The following SYMPK variants were observed in gnomAD, a reference collection of about 807,000 sequenced individuals.
The protein encoded by SYMPK is symplekin.
A neutral mutation model predicts 136.4 loss-of-function variants in SYMPK; 49 were observed. That is an observed-to-expected ratio of 0.36 (90% confidence interval 0.29 to 0.46). The LOEUF (loss-of-function observed/expected upper bound fraction) is 0.46, where lower values mean the gene tolerates loss of function less well. Among genes scored for constraint, SYMPK ranks in the 20% least tolerant of loss-of-function variants. The pLI, the probability that SYMPK is intolerant of heterozygous loss-of-function variation, is 1.00. For synonymous variants in SYMPK, 766 were observed against 713.0 expected, an observed-to-expected ratio of 1.07 and a Z score of -1.19; for missense variants, 1,365 against 1,690.0, an observed-to-expected ratio of 0.81 and a Z score of 3.37.
At position 45,821,055 on chromosome 19, in the gene SYMPK, C is replaced by A; in HGVS notation, c.2893+329G>T. On this transcript the variant is annotated intron_variant, in intron 22 of 26. Coordinates refer to ENST00000245934, the MANE Select transcript of SYMPK (RefSeq NM_004819.3). This position sits in a 1 kb window ranked among gnomAD's most constrained non-coding sequence, Gnocchi z 4.4. ...CCTCTACCACTCACGGTGTGCCCTG[C>A]TTCCTTCTGTTCCTCGGGGCTAGGG... 2 of 623,796 alleles carry A rather than the reference C, an allele frequency of 3.2e-6. No individual in the cohort carries two copies. The highest frequency in any genetic ancestry group is 5.7e-6 in the Non-Finnish European group (2 of 349,522). The allele number at this position is 623,796 out of a possible 1,614,324, so 38.6% of individuals were successfully genotyped here.
intron 1 of SYMPK, chr19:45,855,645 T>A (rs1019834562): frequency 1.3e-5 from 2 of 151,708 alleles, no homozygotes; most frequent in African/African-American, 4.8e-5. Flanking sequence ...ATACATTAAG[T>A]GAAAACAAGC....
intron 11 of SYMPK, among the ~76,000 whole-genome samples, chr19:45,834,111 C>T (rs551812520): frequency 6.6e-6 from 1 of 152,060 alleles, no homozygotes. Flanking sequence ...GACGGTGAAA[C>T]CCCCGTCTCT....
At chr19:45,849,164 C>T (rs1312766472) in intron 5 of SYMPK, among the ~76,000 whole-genome samples, 1 of 152,176 alleles carries the variant, frequency 6.6e-6, no homozygotes, top group Non-Finnish European at 1.5e-5. Flanking sequence ...GACTTCACCT[C>T]ATTTAGAATA....
intron 6 of SYMPK, 32 bp from the exon 7 acceptor site, chr19:45,848,033 C>T: frequency 6.4e-7 from 1 of 1,551,216 alleles, no homozygotes; most frequent in Middle Eastern, 1.7e-4. Context: ...ATGGAAGAGA[C>T]ACACAAAGAG....
intron 11 of SYMPK, among the ~76,000 whole-genome samples, chr19:45,833,535 G>A (rs965599551): frequency 4.6e-5 from 7 of 151,792 alleles, no homozygotes; most frequent in Non-Finnish European, 1.0e-4. Context: ...CCAGGAGGTG[G>A]AGCTTGCAGT....
At chr19:45,823,679 T>C in intron 19 of SYMPK, 88 bp downstream of exon 19, 1 of 1,231,986 alleles carries the variant, frequency 8.1e-7, no homozygotes, top group Non-Finnish European at 1.2e-6. Flanking sequence ...TACGACCATC[T>C]GGGGACCCAG....
intron 20 of SYMPK, 82 bp downstream of exon 20, chr19:45,823,290 C>T: frequency 7.1e-7 from 1 of 1,407,662 alleles, no homozygotes; most frequent in Non-Finnish European, 1.0e-6. Context: ...GGCTCAACTG[C>T]TGCTGAAGCA....
rs1488451756 is a variant in SYMPK, at chr19:45,842,136, C to T, written c.1087+114G>A. ...CAGGTGTGAGCCACTGTGCCTGGCC[C>T]ACATAACATAATCTATAATATAATC... On this transcript the variant is annotated intron_variant, in intron 9 of 26. Transcript: ENST00000245934. 2.0e-6 allele frequency: 3 copies of T among 1,499,526 alleles called. No homozygotes were observed. The African/African-American group carries it at 4.2e-5, about 21-fold the overall frequency. The allele number at this position is 1,499,526 out of a possible 1,614,324, so 92.9% of individuals were successfully genotyped here.
At chr19:45,855,591 A>C (rs1474655693) in intron 1 of SYMPK, 1 of 152,220 alleles carries the variant, frequency 6.6e-6, no homozygotes, top group African/African-American at 2.4e-5. Context: ...AGGAAGAAAA[A>C]AACAAAAAAA....
intron 1 of SYMPK, among the ~76,000 whole-genome samples, chr19:45,859,360 G>A (rs1461247221): frequency 6.6e-6 from 1 of 151,190 alleles, no homozygotes; most frequent in African/African-American, 2.4e-5. Flanking sequence ...CACTTTGGGA[G>A]GCCAAAGTGG....
At chr19:45,856,921 A>C (rs1971835065) in intron 1 of SYMPK, among the ~76,000 whole-genome samples, 1 of 151,594 alleles carries the variant, frequency 6.6e-6, no homozygotes, top group African/African-American at 2.4e-5. Context: ...GTTCGAGACC[A>C]GACTGGCCAA....
At position 45,831,548 on chromosome 19, in the gene SYMPK, C is replaced by G. The variant is rs1375499120; in HGVS notation, c.1434G>C (p.Glu478Asp). The stretch of plus-strand genomic sequence containing the variant: ...CGCTCTCTGTCTTCACCACCTTCTC[C>G]TCCTTGGGCTCCTCCTTGCACTGTT... ...QTKQCKEEPKEEKVVKTESVL... is the reference protein window; with the variant it reads ...QTKQCKEEPKDEKVVKTESVL... Residue 478 changes from glutamate to aspartate, a missense_variant, in exon 12 of 27, where the codon GAG (glutamate) becomes GAC (aspartate). By Grantham distance (45) the Glu-to-Asp change is conservative (BLOSUM62 2). Around this residue, in one of 11 missense-constraint regions of SYMPK, gnomAD observed 46 missense variants for 63.9 expected, o/e 0.72. Coordinates refer to ENST00000245934, the MANE Select transcript of SYMPK (RefSeq NM_004819.3). 6.2e-7 allele frequency: 1 copy of G among 1,611,296 alleles called. No homozygotes were observed. Among genetic ancestry groups the G allele is most frequent in the East Asian group, 2.2e-5 (1 of 44,786 alleles).
chr19:45,822,943 G>C, intron 20 of SYMPK, 97 bp from the exon 21 acceptor site: 1 of 969,676 alleles, frequency 1.0e-6, no homozygotes, highest in Non-Finnish European at 1.6e-6. Flanking sequence ...GGGGAGCTGA[G>C]GGCAAGCTCT....
At chr19:45,833,724 G>A (rs899323024) in intron 11 of SYMPK, among the ~76,000 whole-genome samples, 1 of 152,244 alleles carries the variant, frequency 6.6e-6, no homozygotes, top group Non-Finnish European at 1.5e-5. Flanking sequence ...GAACAAGGAG[G>A]AAATTTCTAC....
chr19:45,833,346 A>C (rs1299101958), intron 11 of SYMPK, among the ~76,000 whole-genome samples: 1 of 152,246 alleles, frequency 6.6e-6, no homozygotes, highest in Non-Finnish European at 1.5e-5. Flanking sequence ...TCACACCCGA[A>C]ATCCCAGGAC....
rs1234298603 is a variant in SYMPK at position 45,831,450 on chromosome 19, G to C, written c.1532C>G (p.Pro511Arg). 1 of 1,608,452 alleles carries C rather than the reference G, an allele frequency of 6.2e-7. No individual in the cohort carries two copies. Among genetic ancestry groups the C allele is most frequent in the South Asian group, 1.1e-5 (1 of 89,560 alleles). ...GGCCTGCGGTGCCTCTTCCTCCAGG[G>C]GGGACATGGAGCTCAGGGAACCCAC... ...SVVGSLSSMS[P>R]LEEEAPQAKR... Residue 511 changes from proline (P) to arginine (R), a missense_variant, in exon 12 of 27, where the codon CCC (proline) becomes CGC (arginine). Physicochemically the swap from Pro to Arg is moderately radical, Grantham distance 103 (BLOSUM62 -2). This residue lies in a region of SYMPK where 303 missense variants were observed against 326.6 expected (regional missense o/e 0.93). Coordinates refer to ENST00000245934, the MANE Select transcript of SYMPK (RefSeq NM_004819.3).
Position 45,822,749 on chromosome 19 carries a change from C to T in SYMPK, c.2791+7G>A. The T allele has an allele frequency of 6.2e-7, 1 of 1,613,500 alleles. No homozygotes were observed. The highest frequency in any genetic ancestry group is 1.1e-5 in the South Asian group (1 of 91,062). On this transcript the variant is annotated splice_region_variant and intron_variant, in intron 21 of 26. Transcript: ENST00000245934. ...CCTCTTGGTGGGGATGAGGCTGCATCACCTACCATGCTGGGTGCCCAGCAG... is the reference window on the plus strand; with the variant it reads ...CCTCTTGGTGGGGATGAGGCTGCATTACCTACCATGCTGGGTGCCCAGCAG...
At chr19:45,862,708 G>A (rs529571206) in intron 1 of SYMPK, among the ~76,000 whole-genome samples, 1 of 152,336 alleles carries the variant, frequency 6.6e-6, no homozygotes, top group African/African-American at 2.4e-5. Flanking sequence ...ATGGGTAAAA[G>A]GATGTTGCAG....
At chr19:45,817,505 C>T (rs968717798) in intron 23 of SYMPK, among the ~76,000 whole-genome samples, 1 of 146,480 alleles carries the variant, frequency 6.8e-6, no homozygotes, top group African/African-American at 2.5e-5. Context: ...GTTTCTTCCT[C>T]ACTGCAGCCC....
Sources: gnomAD v4.1 joint callset for allele counts (sites outside exome capture counted in the v4.1 genomes callset) on GRCh38, gnomAD v4.1.1 for gene constraint, gnomAD v4.1.1 regional missense constraint, Gnocchi (gnomAD v3.1) non-coding constraint, MANE v1.5 for transcripts, NCBI Gene and HGNC (gene_info 2026-07-23, HGNC 2026-07-21) for gene names.